The following ZNF385D variants were observed in gnomAD, a reference collection of about 807,000 sequenced individuals.
The protein encoded by ZNF385D is zinc finger protein 659.
Under a neutral mutation model 35.8 loss-of-function variants are expected in ZNF385D, and 15 were observed. The observed-to-expected ratio is 0.42, with a 90% CI of 0.28 to 0.64. The LOEUF is 0.64. Ranked by LOEUF, ZNF385D falls within the 30% of genes least tolerant of loss-of-function variation. The probability of loss-of-function intolerance (pLI) is 0.23; values close to 1 mark genes in which losing one functional copy is unlikely to be tolerated. For synonymous variants in ZNF385D, 212 were observed against 186.8 expected, an observed-to-expected ratio of 1.13 and a Z score of -1.10; for missense variants, 474 against 494.6, an observed-to-expected ratio of 0.96 and a Z score of 0.39.
chr3:21,597,177 A>C (rs1425270859), intron 2 of ZNF385D, among the ~76,000 whole-genome samples: 1 of 152,192 alleles, frequency 6.6e-6, no homozygotes, highest in Non-Finnish European at 1.5e-5. Context: ...AACCAATTAT[A>C]ATTTACAACC....
chr3:22,201,827 T>G (rs1001566543), intron 2 of ZNF385D, among the ~76,000 whole-genome samples: 4 of 151,472 alleles, frequency 2.6e-5, no homozygotes, highest in Non-Finnish European at 5.9e-5. Flanking sequence ...ATATATAAAT[T>G]TAATACTTTT....
At chr3:21,809,033 A>C (rs977336222) in intron 3 of ZNF385D, among the ~76,000 whole-genome samples, 7 of 152,226 alleles carry the variant, frequency 4.6e-5, no homozygotes, top group Non-Finnish European at 1.5e-5. Flanking sequence ...AGAGTCTTAT[A>C]ACATAAAATA....
chr3:21,556,061 TG>T (rs2062725115), intron 3 of ZNF385D, among the ~76,000 whole-genome samples: 3 of 132,338 alleles, frequency 2.3e-5, no homozygotes, highest in Admixed American at 7.6e-5. Flanking sequence ...ACGTTTTTTT[TG>T]TTTTTGTTTT....
chr3:22,027,862 G>A (rs1697661915), intron 3 of ZNF385D, among the ~76,000 whole-genome samples: 1 of 152,178 alleles, frequency 6.6e-6, no homozygotes, highest in South Asian at 2.1e-4. Flanking sequence ...CAGAGGAAGA[G>A]AAGACTAGGG....
At chr3:22,130,513 T>C (rs1703717755) in intron 3 of ZNF385D, among the ~76,000 whole-genome samples, 1 of 152,114 alleles carries the variant, frequency 6.6e-6, no homozygotes, top group Non-Finnish European at 1.5e-5. Flanking sequence ...GTAGCGCTGG[T>C]CTAAATGCTT....
intron 2 of ZNF385D, among the ~76,000 whole-genome samples, chr3:22,233,640 C>T (rs1699019092): frequency 6.6e-6 from 1 of 152,216 alleles, no homozygotes; most frequent in Middle Eastern, 3.4e-3. Context: ...TCATAACCCC[C>T]AGAATACCTG....
intron 3 of ZNF385D, among the ~76,000 whole-genome samples, chr3:21,774,259 G>A (rs921782673): frequency 4.0e-5 from 6 of 151,754 alleles, no homozygotes; most frequent in Non-Finnish European, 7.4e-5. Flanking sequence ...ACACACACGG[G>A]GGCCTGTCAG....
intron 3 of ZNF385D, among the ~76,000 whole-genome samples, chr3:21,814,998 G>A (rs867775082): frequency 1.3e-5 from 2 of 152,170 alleles, no homozygotes; most frequent in South Asian, 4.1e-4. Flanking sequence ...AGACCACAGT[G>A]TAGTCAAATT....
intron 3 of ZNF385D, among the ~76,000 whole-genome samples, chr3:21,547,328 C>T (rs1468787370): frequency 6.6e-6 from 1 of 152,144 alleles, no homozygotes; most frequent in South Asian, 2.1e-4. Context: ...CCTGTGCAAA[C>T]TGGTAAAAGG....
At chr3:21,909,767 T>G (rs966599549) in intron 3 of ZNF385D, among the ~76,000 whole-genome samples, 2 of 152,022 alleles carry the variant, frequency 1.3e-5, no homozygotes, top group Non-Finnish European at 2.9e-5. Context: ...AAGACACCAC[T>G]TAAATTTAAC....
At chr3:21,847,712 T>C (rs1335258019) in intron 3 of ZNF385D, among the ~76,000 whole-genome samples, 2 of 152,028 alleles carry the variant, frequency 1.3e-5, no homozygotes, top group Non-Finnish European at 2.9e-5. Context: ...AATCATGAAA[T>C]ACCACCATAG....
At chr3:22,365,112 C>G (rs879270618) in intron 2 of ZNF385D, among the ~76,000 whole-genome samples, 14 of 151,872 alleles carry the variant, frequency 9.2e-5, no homozygotes, top group Non-Finnish European at 1.9e-4. Flanking sequence ...TGGGGAACAA[C>G]TGTTTAATGG....
chr3:21,990,575 C>G (rs1014894469), intron 3 of ZNF385D, among the ~76,000 whole-genome samples: 2 of 152,008 alleles, frequency 1.3e-5, no homozygotes, highest in African/African-American at 2.4e-5. Context: ...TATATTTGTA[C>G]TTAATATATG....
At chr3:21,481,474 A>G (rs953238753) in intron 4 of ZNF385D, among the ~76,000 whole-genome samples, 2 of 152,004 alleles carry the variant, frequency 1.3e-5, no homozygotes, top group Non-Finnish European at 2.9e-5. Flanking sequence ...TTTTTGTACA[A>G]CCCCAATGGC....
chr3:21,808,295 C>T (rs114788195), intron 3 of ZNF385D, among the ~76,000 whole-genome samples: 1 of 152,206 alleles, frequency 6.6e-6, no homozygotes, highest in African/African-American at 2.4e-5. Flanking sequence ...TTCTAACACA[C>T]ACTCTCTTTA....
At chr3:21,545,236 A>G (rs1444032972) in intron 3 of ZNF385D, among the ~76,000 whole-genome samples, 2 of 152,204 alleles carry the variant, frequency 1.3e-5, no homozygotes, top group African/African-American at 4.8e-5. Flanking sequence ...TGAGCTATAG[A>G]ACTTTAACAG....
At chr3:22,238,094 A>G (rs1699291321) in intron 2 of ZNF385D, among the ~76,000 whole-genome samples, 1 of 151,238 alleles carries the variant, frequency 6.6e-6, no homozygotes, top group African/African-American at 2.4e-5. Context: ...TCTTGTTAAA[A>G]AAACAAAAAA....
chr3:21,486,820 T>A (rs1017295246), intron 4 of ZNF385D, among the ~76,000 whole-genome samples: 3 of 152,108 alleles, frequency 2.0e-5, no homozygotes, highest in African/African-American at 7.2e-5. Context: ...TTTGATAGAA[T>A]GTTTATTTGT....
At chr3:22,225,795 C>T (rs1698518531) in intron 2 of ZNF385D, among the ~76,000 whole-genome samples, 2 of 152,172 alleles carry the variant, frequency 1.3e-5, no homozygotes, top group Admixed American at 1.3e-4. Flanking sequence ...TTACACTCAT[C>T]TCAGATATAG....
Sources: allele counts gnomAD v4.1 joint callset (sites outside exome capture counted in the v4.1 genomes callset), GRCh38; gene constraint gnomAD v4.1.1; transcripts MANE v1.5; gene names NCBI Gene and HGNC (gene_info 2026-07-23, HGNC 2026-07-21).